Variants in ANKS1B observed in about 807,000 individuals in gnomAD.
ANKS1B encodes ankyrin repeat and sterile alpha motif domain-containing protein 1B.
In ANKS1B, 36 loss-of-function variants were observed where a neutral mutation model predicts 148.3. The observed-to-expected ratio is 0.24, with a 90% CI of 0.19 to 0.32. The LOEUF is 0.32. Ranked by LOEUF, ANKS1B falls within the 10% of genes least tolerant of loss-of-function variation. The probability of loss-of-function intolerance (pLI) is 1.00; values close to 1 mark genes in which losing one functional copy is unlikely to be tolerated. For synonymous variants in ANKS1B, 542 were observed against 560.8 expected (o/e 0.97, Z 0.47); for missense variants, 1,157 against 1,542.6 (o/e 0.75, Z 4.19).
intron 17 of ANKS1B, among the ~76,000 whole-genome samples, chr12:98,894,184 C>T (rs968199742): frequency 6.6e-6 from 1 of 152,236 alleles, no homozygotes; most frequent in Non-Finnish European, 1.5e-5. Context: ...AGCTTCTATT[C>T]TTCCTGCTAT....
intron 17 of ANKS1B, among the ~76,000 whole-genome samples, chr12:98,838,162 A>C (rs1044751096): frequency 3.9e-5 from 6 of 152,342 alleles, no homozygotes; most frequent in African/African-American, 1.2e-4. Flanking sequence ...ATAATTCACT[A>C]AACATTTCCC....
chr12:99,487,619 G>GA (rs1177440535), intron 10 of ANKS1B, among the ~76,000 whole-genome samples: 1 of 150,746 alleles, frequency 6.6e-6, no homozygotes, highest in East Asian at 2.0e-4. Flanking sequence ...TCAATATGGG[G>GA]GGGGGACATT....
intron 17 of ANKS1B, among the ~76,000 whole-genome samples, chr12:98,961,052 G>A (rs2099870538): frequency 6.6e-6 from 1 of 152,164 alleles, no homozygotes; most frequent in African/African-American, 2.4e-5. Context: ...AGTGTTATTG[G>A]CCCTAAAGAG....
chr12:99,168,814 T>G (rs1415275612), intron 14 of ANKS1B, among the ~76,000 whole-genome samples: 1 of 152,168 alleles, frequency 6.6e-6, no homozygotes, highest in Non-Finnish European at 1.5e-5. Context: ...GTTCTTAATA[T>G]CAGTCTTCTT....
chr12:99,244,958 G>A (rs937765729), intron 13 of ANKS1B, among the ~76,000 whole-genome samples: 2 of 152,182 alleles, frequency 1.3e-5, no homozygotes, highest in African/African-American at 4.8e-5. Flanking sequence ...AGGTCCAAAT[G>A]AGTCTCGTGC....
At chr12:99,309,117 C>A (rs148289115) in intron 12 of ANKS1B, among the ~76,000 whole-genome samples, 3 of 151,728 alleles carry the variant, frequency 2.0e-5, no homozygotes, top group African/African-American at 7.2e-5. Flanking sequence ...CCTTGTAAAT[C>A]CCATGTAATT....
intron 12 of ANKS1B, among the ~76,000 whole-genome samples, chr12:99,257,049 C>G (rs1423331797): frequency 2.0e-5 from 3 of 152,060 alleles, no homozygotes; most frequent in African/African-American, 7.2e-5. Flanking sequence ...TCGAGACCAT[C>G]CTGGCTAACA....
intron 8 of ANKS1B, among the ~76,000 whole-genome samples, chr12:99,732,611 G>A (rs562035345): frequency 6.6e-6 from 1 of 152,272 alleles, no homozygotes; most frequent in South Asian, 2.1e-4. Flanking sequence ...GGCCAAAGGG[G>A]CATGAGAGAT....
chr12:99,063,987 A>G (rs897534115), intron 16 of ANKS1B, among the ~76,000 whole-genome samples: 3 of 152,212 alleles, frequency 2.0e-5, no homozygotes, highest in African/African-American at 7.2e-5. Context: ...CCTCAGAAGT[A>G]AGAAAACTGT....
chr12:99,902,808 C>T (rs899279794), intron 1 of ANKS1B, among the ~76,000 whole-genome samples: 5 of 149,674 alleles, frequency 3.3e-5, no homozygotes, highest in African/African-American at 1.2e-4. Context: ...TGGAATGCAG[C>T]GGCACCATCT....
At chr12:99,097,026 G>A (rs1202539133) in intron 15 of ANKS1B, 1 of 152,082 alleles carries the variant, frequency 6.6e-6, no homozygotes, top group Non-Finnish European at 1.5e-5. Context: ...CAAACTTCTT[G>A]GGAGAAAGGA....
intron 22 of ANKS1B, among the ~76,000 whole-genome samples, chr12:98,784,559 G>C (rs895154604): frequency 6.6e-6 from 1 of 152,194 alleles, no homozygotes; most frequent in East Asian, 1.9e-4. Context: ...AATTGTTGCT[G>C]ATTTCATTAA....
chr12:99,898,165 C>G (rs969219196), intron 1 of ANKS1B, among the ~76,000 whole-genome samples: 7 of 152,130 alleles, frequency 4.6e-5, no homozygotes, highest in Non-Finnish European at 1.0e-4. Flanking sequence ...GTTTGGACAA[C>G]TAGTAAATAT....
intron 17 of ANKS1B, among the ~76,000 whole-genome samples, chr12:99,018,898 G>A (rs73386509): frequency 0.034 from 5,226 of 152,224 alleles, 324 homozygotes; most frequent in African/African-American, 0.12. Context: ...AACTGAGATT[G>A]CGCCACTGCA....
intron 16 of ANKS1B, among the ~76,000 whole-genome samples, chr12:99,054,403 G>T (rs1376589114): frequency 1.3e-5 from 2 of 152,076 alleles, no homozygotes; most frequent in Non-Finnish European, 2.9e-5. Flanking sequence ...TCTTAAACAT[G>T]GTAAGCTTTC....
At chr12:98,815,126 G>T (rs2153641540) in intron 19 of ANKS1B, among the ~76,000 whole-genome samples, 1 of 152,196 alleles carries the variant, frequency 6.6e-6, no homozygotes, top group African/African-American at 2.4e-5. Context: ...ATTATGGTTT[G>T]TCCTCTTTCC....
intron 8 of ANKS1B, among the ~76,000 whole-genome samples, chr12:99,690,681 C>T (rs1338460665): frequency 3.3e-5 from 5 of 152,316 alleles, no homozygotes; most frequent in African/African-American, 9.6e-5. Context: ...CCTTAGGCAG[C>T]TCCACCCCTG....
rs371338439 is a variant in ANKS1B, at chr12:99,039,189, A to G, written c.2778+13968T>C. Among the ~76,000 whole-genome samples the G allele has an allele frequency of 5.3e-5, 8 of 152,348 alleles. No individual in the cohort carries two copies. In the East Asian group the frequency reaches 1.2e-3, roughly 22 times the overall value. ...ACTGGGCCCTCACAAAGATATATAGAGTGTGGACTACCTTTCAACTGAAGC... is the reference window on the plus strand; with the variant it reads ...ACTGGGCCCTCACAAAGATATATAGGGTGTGGACTACCTTTCAACTGAAGC... On this transcript the variant is annotated intron_variant, in intron 17 of 26. Transcript: ENST00000683438.
chr12:99,774,593 A>G (rs943803083), intron 7 of ANKS1B, among the ~76,000 whole-genome samples: 2 of 152,132 alleles, frequency 1.3e-5, no homozygotes, highest in Admixed American at 6.5e-5. Context: ...AAAATTAAAA[A>G]TAGAATTACC....
Sources: gnomAD v4.1 joint callset for allele counts (sites outside exome capture counted in the v4.1 genomes callset) on GRCh38, gnomAD v4.1.1 for gene constraint, MANE v1.5 for transcripts, NCBI Gene and HGNC (gene_info 2026-07-23, HGNC 2026-07-21) for gene names.